The following DCP1A variants were observed in gnomAD, a reference collection of about 807,000 sequenced individuals.
DCP1A encodes the protein decapping mRNA 1A, also known as mRNA-decapping enzyme 1A.
DCP1A carries 20 observed loss-of-function variants against 58.0 expected under a neutral mutation model. The observed-to-expected ratio is 0.34, with a 90% CI of 0.24 to 0.50. The LOEUF (loss-of-function observed/expected upper bound fraction) is 0.50, where lower values mean the gene tolerates loss of function less well. DCP1A is among the 20% of genes least tolerant of loss of function. The probability of loss-of-function intolerance (pLI) is 0.98; values close to 1 mark genes in which losing one functional copy is unlikely to be tolerated. For missense variants in DCP1A, 613 were observed against 712.2 expected (o/e 0.86, Z 1.59); for synonymous variants, 285 against 275.1 (o/e 1.04, Z -0.36).
intron 2 of DCP1A, among the ~76,000 whole-genome samples, chr3:53,342,745 C>T (rs575533770): frequency 5.3e-5 from 8 of 152,204 alleles, no homozygotes; most frequent in Admixed American, 2.0e-4. Context: ...TGCTCCCAAG[C>T]TCAATATCTC....
intron 6 of DCP1A, among the ~76,000 whole-genome samples, chr3:53,295,690 G>T (rs1298476011): frequency 6.6e-6 from 1 of 152,058 alleles, no homozygotes; most frequent in African/African-American, 2.4e-5. Flanking sequence ...ATGCCACCAT[G>T]ATCAGTTTAT....
intron 6 of DCP1A, among the ~76,000 whole-genome samples, chr3:53,301,391 C>A (rs1357500713): frequency 6.6e-6 from 1 of 151,974 alleles, no homozygotes; most frequent in Non-Finnish European, 1.5e-5. Flanking sequence ...CGTGCCTCAG[C>A]CTCCCGAATA....
At chr3:53,336,785 T>A (rs2089123589) in intron 3 of DCP1A, among the ~76,000 whole-genome samples, 1 of 152,212 alleles carries the variant, frequency 6.6e-6, no homozygotes, top group African/African-American at 2.4e-5. Context: ...CTTAAATTTG[T>A]ATGAGGGAAG....
At chr3:53,344,152 G>C (rs1553692901) in intron 2 of DCP1A, among the ~76,000 whole-genome samples, 1 of 151,804 alleles carries the variant, frequency 6.6e-6, no homozygotes, top group Non-Finnish European at 1.5e-5. Context: ...AAAAAAAAAG[G>C]GAAAAGACCA....
chr3:53,289,000 G>A (rs572179975), intron 8 of DCP1A, among the ~76,000 whole-genome samples: 1 of 151,484 alleles, frequency 6.6e-6, no homozygotes, highest in African/African-American at 2.4e-5. Flanking sequence ...GGGTGACAGA[G>A]AAAGACTCCA....
At chr3:53,305,542 G>A (rs1452059876) in intron 5 of DCP1A, among the ~76,000 whole-genome samples, 3 of 151,888 alleles carry the variant, frequency 2.0e-5, no homozygotes, top group African/African-American at 7.3e-5. Context: ...TAGAGACGGG[G>A]TTTCACCATG....
At chr3:53,323,072 C>T (rs1019189655) in intron 3 of DCP1A, among the ~76,000 whole-genome samples, 8 of 152,146 alleles carry the variant, frequency 5.3e-5, no homozygotes, top group African/African-American at 1.7e-4. Context: ...GATCCGCCCA[C>T]CTCGGCCTCC....
At chr3:53,310,443 G>A (rs940881120) in intron 5 of DCP1A, among the ~76,000 whole-genome samples, 15 of 152,156 alleles carry the variant, frequency 9.9e-5, no homozygotes, top group Admixed American at 6.5e-5. Context: ...GCTTTAGTGC[G>A]CAGCACCTAC....
intron 6 of DCP1A, among the ~76,000 whole-genome samples, chr3:53,301,706 C>T (rs1707317351): frequency 6.6e-6 from 1 of 152,108 alleles, no homozygotes; most frequent in African/African-American, 2.4e-5. Flanking sequence ...AGATGTTCTT[C>T]AGTAAGTGAG....
intron 5 of DCP1A, among the ~76,000 whole-genome samples, chr3:53,307,258 T>C (rs1377687353): frequency 6.6e-6 from 1 of 152,096 alleles, no homozygotes; most frequent in Non-Finnish European, 1.5e-5. Context: ...CCCAGGCTGG[T>C]CTTAAACTCC....
intron 6 of DCP1A, 71 bp from the exon 7 acceptor site, chr3:53,292,898 G>A (rs1706977210): frequency 3.4e-6 from 5 of 1,477,240 alleles, no homozygotes; most frequent in Non-Finnish European, 2.7e-6. Flanking sequence ...TTCTTTTCCA[G>A]AAGCCAAAGA....
chr3:53,342,996 G>A lies in DCP1A; in HGVS notation c.177-725C>T, dbSNP rs183366193. On this transcript the variant is annotated intron_variant, in intron 2 of 9. Transcript: ENST00000610213. ...TTTACATAGCGCTCCTGAGTTAGACGGAAAATGCCTTGAATCCTACAATAG... is the reference window on the plus strand; with the variant it reads ...TTTACATAGCGCTCCTGAGTTAGACAGAAAATGCCTTGAATCCTACAATAG... Among the ~76,000 whole-genome samples, 445 of 152,248 alleles carry A rather than the reference G, an allele frequency of 2.9e-3. 4 individuals are homozygous for A. The highest frequency in any genetic ancestry group is 1.0e-2 in the African/African-American group (415 of 41,534).
At chr3:53,337,435 A>C (rs1553692070) in intron 3 of DCP1A, among the ~76,000 whole-genome samples, 1 of 152,234 alleles carries the variant, frequency 6.6e-6, no homozygotes, top group African/African-American at 2.4e-5. Flanking sequence ...ATGGAGACAC[A>C]GTCTATGATA....
intron 6 of DCP1A, among the ~76,000 whole-genome samples, chr3:53,294,455 G>A (rs1553686579): frequency 6.6e-6 from 1 of 152,192 alleles, no homozygotes; most frequent in Non-Finnish European, 1.5e-5. Flanking sequence ...GGGTTAGGGA[G>A]AGGGGGAAGC....
chr3:53,295,540 T>C (rs1707092639), intron 6 of DCP1A, among the ~76,000 whole-genome samples: 1 of 152,178 alleles, frequency 6.6e-6, no homozygotes. Context: ...GAAAATTACA[T>C]CATCTTTCTT....
Position 53,311,461 on chromosome 3 carries a change from T to C in DCP1A, c.510+780A>G, listed in dbSNP as rs537098485. On this transcript the variant is annotated intron_variant, in intron 5 of 9. Coordinates refer to ENST00000610213, the MANE Select transcript of DCP1A (RefSeq NM_018403.7). Reference sequence around the variant, plus strand: ...ATAGTAGATGGTTCATAAGCAGGTATTGAATAAATTAACGAAAGTACCACA... The same window carrying C: ...ATAGTAGATGGTTCATAAGCAGGTACTGAATAAATTAACGAAAGTACCACA... Among the ~76,000 whole-genome samples, 114 of 152,324 alleles carry C rather than the reference T, an allele frequency of 7.5e-4. 1 individual carries two copies. In the South Asian group the frequency reaches 0.011, roughly 15 times the overall value.
intron 1 of DCP1A, 147 bp downstream of exon 1, chr3:53,347,236 G>A (rs2089302457): frequency 2.0e-6 from 2 of 979,120 alleles, no homozygotes; most frequent in South Asian, 2.2e-5. Flanking sequence ...CACCCCTCAG[G>A]CTCTGGCTAG....
chr3:53,305,345 ATTTT>A (rs756153127), intron 5 of DCP1A, among the ~76,000 whole-genome samples: 1 of 66,988 alleles, frequency 1.5e-5, no homozygotes. Flanking sequence ...GTGGACAAAA[ATTTT>A]TTTTTCTTTT....
At chr3:53,329,732 A>G (rs1242603659) in intron 3 of DCP1A, among the ~76,000 whole-genome samples, 2 of 152,338 alleles carry the variant, frequency 1.3e-5, no homozygotes, top group South Asian at 4.1e-4. Flanking sequence ...GGCTTTGTCC[A>G]TTTTCCCAAA....
Sources: allele counts gnomAD v4.1 joint callset (sites outside exome capture counted in the v4.1 genomes callset), GRCh38; gene constraint gnomAD v4.1.1; transcripts MANE v1.5; gene names NCBI Gene and HGNC (gene_info 2026-07-23, HGNC 2026-07-21).